The following TTC39C variants were observed in gnomAD, a reference collection of about 807,000 sequenced individuals.
TTC39C encodes tetratricopeptide repeat protein 39C.
TTC39C carries 33 observed loss-of-function variants against 76.3 expected under a neutral mutation model. The observed-to-expected ratio is 0.43, with a 90% confidence interval of 0.33 to 0.58. The LOEUF (loss-of-function observed/expected upper bound fraction) is 0.58, where lower values mean the gene tolerates loss of function less well. Ranked by LOEUF, TTC39C falls within the 20% of genes least tolerant of loss-of-function variation. The probability of loss-of-function intolerance (pLI) is 0.04; values close to 1 mark genes in which losing one functional copy is unlikely to be tolerated. For missense variants in TTC39C, 595 were observed against 701.4 expected (o/e 0.85, Z 1.71); for synonymous variants, 254 against 260.6 (o/e 0.97, Z 0.24).
chr18:24,031,515 G>A (rs1021137733), intron 1 of TTC39C, among the ~76,000 whole-genome samples: 1 of 152,142 alleles, frequency 6.6e-6, no homozygotes. Context: ...GTACACACTA[G>A]AAGGCTCTTG....
chr18:24,047,836 G>A (rs1177240995), intron 1 of TTC39C, among the ~76,000 whole-genome samples: 1 of 152,198 alleles, frequency 6.6e-6, no homozygotes, highest in Non-Finnish European at 1.5e-5. Flanking sequence ...CAGTTCCGTA[G>A]AGGAGATAAC....
At chr18:24,073,295 T>G (rs1599298478) in intron 4 of TTC39C, among the ~76,000 whole-genome samples, 1 of 152,166 alleles carries the variant, frequency 6.6e-6, no homozygotes, top group East Asian at 1.9e-4. Context: ...GAATTCCTTT[T>G]GTGCGGGGCA....
At chr18:24,067,306 C>T (rs988567666) in intron 3 of TTC39C, among the ~76,000 whole-genome samples, 11 of 152,214 alleles carry the variant, frequency 7.2e-5, no homozygotes, top group African/African-American at 2.7e-4. Flanking sequence ...CAACTACTCT[C>T]CATCCTCACT....
chr18:24,029,786 G>A (rs747296771), intron 1 of TTC39C, among the ~76,000 whole-genome samples: 17 of 152,192 alleles, frequency 1.1e-4, no homozygotes, highest in Non-Finnish European at 2.4e-4. Context: ...ACTTCACTTA[G>A]AATGATGGTC....
intron 1 of TTC39C, among the ~76,000 whole-genome samples, chr18:24,043,645 T>G (rs1458054270): frequency 6.6e-6 from 1 of 152,190 alleles, no homozygotes; most frequent in Non-Finnish European, 1.5e-5. Context: ...AGTGTGTGTT[T>G]CCTGCTATCC....
intron 1 of TTC39C, among the ~76,000 whole-genome samples, chr18:24,018,412 C>T (rs1373148482): frequency 1.3e-5 from 2 of 152,326 alleles, no homozygotes; most frequent in South Asian, 2.1e-4. Flanking sequence ...CCCTTCCTCA[C>T]TCACTGTTTG....
intron 1 of TTC39C, among the ~76,000 whole-genome samples, chr18:24,038,325 C>T (rs2083754579): frequency 6.6e-6 from 1 of 152,120 alleles, no homozygotes; most frequent in African/African-American, 2.4e-5. Flanking sequence ...CTCAGTCGCC[C>T]AGGCTGGAGT....
intron 1 of TTC39C, among the ~76,000 whole-genome samples, chr18:24,006,105 T>G (rs2083350008): frequency 6.6e-6 from 1 of 151,626 alleles, no homozygotes. Flanking sequence ...CTCAACCTCC[T>G]AGGCTCAAGC....
intron 1 of TTC39C, among the ~76,000 whole-genome samples, chr18:24,033,252 C>T (rs2083694003): frequency 6.6e-6 from 1 of 152,102 alleles, no homozygotes; most frequent in Non-Finnish European, 1.5e-5. Flanking sequence ...GACTCTGTCT[C>T]AATAAATAAA....
rs887307450 is a variant in TTC39C at position 24,134,752 on chromosome 18, T to C, written c.*2178T>C. On this transcript the variant is annotated 3_prime_UTR_variant, in exon 14 of 14. Transcript: ENST00000317571. ...GAGAGTTCATTCTTGAATTTTCAGT[T>C]CAAAATATTGTTTGAACTATTATTC... 4 of 152,126 alleles carry C rather than the reference T, an allele frequency of 2.6e-5. No individual in the cohort carries two copies. The highest frequency in any genetic ancestry group is 9.7e-5 in the African/African-American group (4 of 41,442). The allele number at this position is 152,126 out of a possible 1,614,324, so 9.4% of individuals were successfully genotyped here. A position where few individuals can be genotyped will look rare whatever the true frequency, so the allele number is the denominator to read the frequency against.
At chr18:24,054,889 G>A (rs114910655) in intron 1 of TTC39C, among the ~76,000 whole-genome samples, 201 of 152,046 alleles carry the variant, frequency 1.3e-3, no homozygotes, top group African/African-American at 4.6e-3. Flanking sequence ...TTAAAGAATG[G>A]CTCCCCATTC....
chr18:24,088,512 T>C (rs1568433039), intron 6 of TTC39C, among the ~76,000 whole-genome samples: 1 of 152,186 alleles, frequency 6.6e-6, no homozygotes, highest in African/African-American at 2.4e-5. Context: ...TCCTGCAACG[T>C]TGAAGTCATC....
chr18:24,132,388 T>C lies in TTC39C; in HGVS notation c.1663-97T>C, dbSNP rs962518476. Reference sequence around the variant, plus strand: ...ACCTTTACTGGGAGTGTAGAGATTTTACTTTGGGAAATGCAAAATTGAGTG... The same window carrying C: ...ACCTTTACTGGGAGTGTAGAGATTTCACTTTGGGAAATGCAAAATTGAGTG... On this transcript the variant is annotated intron_variant, in intron 13 of 13. Transcript: ENST00000317571. The C allele has an allele frequency of 1.6e-5, 15 of 966,848 alleles. No individual in the cohort carries two copies. In the African/African-American group the frequency reaches 2.0e-4, roughly 13 times the overall value. 59.9% of individuals were successfully genotyped at this position (966,848 alleles called of 1,614,324 possible). A position where few individuals can be genotyped will look rare whatever the true frequency, so the allele number is the denominator to read the frequency against.
chr18:24,064,106 G>A (rs1261777015), intron 1 of TTC39C, 34 bp from the exon 2 acceptor site: 2 of 1,607,848 alleles, frequency 1.2e-6, no homozygotes, highest in Non-Finnish European at 1.7e-6. Context: ...GAAAATAATT[G>A]TATTTTGTGT....
At position 24,045,240 on chromosome 18, in the gene TTC39C, G is replaced by A. The variant is rs1385831566; in HGVS notation, c.168-18900G>A. Among the ~76,000 whole-genome samples, 7 of 133,276 alleles carry A rather than the reference G, an allele frequency of 5.3e-5. No individual in the cohort carries two copies. The East Asian group carries it at 1.4e-3, about 27-fold the overall frequency. The allele number at this position is 133,276 out of a possible 152,430, so 87.4% of individuals were successfully genotyped here. On this transcript the variant is annotated intron_variant, in intron 1 of 13. Coordinates refer to ENST00000317571, the MANE Select transcript of TTC39C (RefSeq NM_001135993.2). ...GTCAAGATCATGCCACTGCACTCCA[G>A]CCTGGGTGACAGAGTAAGACTCTGT...
At chr18:24,118,530 C>T (rs187795864) in intron 8 of TTC39C, among the ~76,000 whole-genome samples, 95 of 152,090 alleles carry the variant, frequency 6.2e-4, no homozygotes, top group African/African-American at 1.9e-3. Context: ...AGGTCTTCCC[C>T]GTTACTGTAT....
chr18:24,083,498 G>A (rs1280424225), intron 6 of TTC39C, among the ~76,000 whole-genome samples: 7 of 152,312 alleles, frequency 4.6e-5, no homozygotes, highest in African/African-American at 1.7e-4. Context: ...AGGGCAACAT[G>A]AGCTTTGAAA....
chr18:24,061,593 T>TAAAAAAAAA (rs35502981), intron 1 of TTC39C, among the ~76,000 whole-genome samples: 4 of 95,754 alleles, frequency 4.2e-5, no homozygotes, highest in Non-Finnish European at 5.9e-5. Context: ...TTGAAATAAG[T>TAAAAAAAAA]AAAAAAAAAA....
intron 1 of TTC39C, among the ~76,000 whole-genome samples, chr18:24,045,743 C>A (rs2083860935): frequency 6.6e-6 from 1 of 150,742 alleles, no homozygotes; most frequent in South Asian, 2.1e-4. Flanking sequence ...TAAAACTATG[C>A]CTTATGTTGA....
Sources: gnomAD v4.1 joint callset for allele counts (sites outside exome capture counted in the v4.1 genomes callset) on GRCh38, gnomAD v4.1.1 for gene constraint, MANE v1.5 for transcripts, NCBI Gene and HGNC (gene_info 2026-07-23, HGNC 2026-07-21) for gene names.